The following ALG9 variants were observed in gnomAD, a reference collection of about 807,000 sequenced individuals.
ALG9 encodes alpha-1,2-mannosyltransferase ALG9.
ALG9 carries 55 observed loss-of-function variants against 81.8 expected under a neutral mutation model. The ratio of observed to expected loss-of-function variants is 0.67; its 90% CI spans 0.54 to 0.84. The LOEUF (loss-of-function observed/expected upper bound fraction) is 0.84. ALG9 is among the 40% of genes least tolerant of loss of function. The pLI, the probability that ALG9 is intolerant of heterozygous loss-of-function variation, is 0.00. For missense variants in ALG9, 629 were observed against 745.0 expected (o/e 0.84, Z 1.81); for synonymous variants, 278 against 274.3 (o/e 1.01, Z -0.13).
At chr11:111,823,975 A>G (rs1293093989) in intron 13 of ALG9, among the ~76,000 whole-genome samples, 1 of 152,234 alleles carries the variant, frequency 6.6e-6, no homozygotes, top group Non-Finnish European at 1.5e-5. Flanking sequence ...AAGGGTGAAC[A>G]CCCAGGATGG....
chr11:111,789,504 T>A (rs1004396303), intron 14 of ALG9, among the ~76,000 whole-genome samples: 2 of 151,510 alleles, frequency 1.3e-5, no homozygotes, highest in Admixed American at 6.6e-5. Context: ...CCTCCCAAAG[T>A]GTCAGGATTA....
At chr11:111,863,925 T>C (rs1961313667) in intron 4 of ALG9, among the ~76,000 whole-genome samples, 1 of 152,146 alleles carries the variant, frequency 6.6e-6, no homozygotes, top group Admixed American at 6.5e-5. Flanking sequence ...TTAAAATGAA[T>C]GATATAAGGA....
At chr11:111,816,098 G>A (rs1276439527) in intron 13 of ALG9, among the ~76,000 whole-genome samples, 2 of 152,196 alleles carry the variant, frequency 1.3e-5, no homozygotes, top group East Asian at 1.9e-4. Context: ...TCACAATTTA[G>A]TAGTTTTGAT....
At chr11:111,821,369 C>G (rs782184373) in intron 13 of ALG9, among the ~76,000 whole-genome samples, 10 of 152,128 alleles carry the variant, frequency 6.6e-5, no homozygotes, top group South Asian at 2.1e-4. Flanking sequence ...AAAGCCAGAG[C>G]CCCTTGGAGA....
chr11:111,839,682 G>A (rs544462679), intron 10 of ALG9, among the ~76,000 whole-genome samples: 3 of 151,816 alleles, frequency 2.0e-5, no homozygotes, highest in African/African-American at 7.3e-5. Context: ...CAAAAATGCT[G>A]GGAGGAGTTT....
At chr11:111,794,637 C>T (rs558175899) in intron 14 of ALG9, among the ~76,000 whole-genome samples, 1 of 152,192 alleles carries the variant, frequency 6.6e-6, no homozygotes, top group African/African-American at 2.4e-5. Context: ...TCCTCTCTTT[C>T]TGTTTTTCTC....
chr11:111,793,412 G>C (rs1177366345), intron 14 of ALG9, among the ~76,000 whole-genome samples: 1 of 152,118 alleles, frequency 6.6e-6, no homozygotes, highest in Non-Finnish European at 1.5e-5. Flanking sequence ...ATTTTGAATT[G>C]TTATATTGTA....
At chr11:111,869,462 G>A (rs1457103987) in intron 2 of ALG9, among the ~76,000 whole-genome samples, 4 of 151,930 alleles carry the variant, frequency 2.6e-5, no homozygotes, top group African/African-American at 2.4e-5. Flanking sequence ...AACTTAAAAA[G>A]TGAAAAAAAG....
intron 1 of ALG9, 141 bp downstream of exon 1, chr11:111,871,211 A>G: frequency 7.6e-7 from 1 of 1,311,144 alleles, no homozygotes; most frequent in Non-Finnish European, 9.6e-7. Flanking sequence ...GACCAATAGG[A>G]CCTAGCTGAA....
At chr11:111,856,528 G>C (rs1958715705) in intron 6 of ALG9, among the ~76,000 whole-genome samples, 1 of 151,312 alleles carries the variant, frequency 6.6e-6, no homozygotes. Context: ...TTTCTGGAAA[G>C]ACATATACCA....
chr11:111,832,719 A>G (rs2136750357), intron 13 of ALG9, among the ~76,000 whole-genome samples: 1 of 152,280 alleles, frequency 6.6e-6, no homozygotes, highest in South Asian at 2.1e-4. Context: ...ACTGCTTAGG[A>G]AAAAAATCAA....
chr11:111,837,829 A>G (rs1955572223), intron 11 of ALG9, among the ~76,000 whole-genome samples: 1 of 152,206 alleles, frequency 6.6e-6, no homozygotes, highest in African/African-American at 2.4e-5. Flanking sequence ...GCAAAAAATA[A>G]TTGGCTTTCT....
intron 4 of ALG9, among the ~76,000 whole-genome samples, chr11:111,863,590 C>A (rs1291154931): frequency 2.0e-5 from 3 of 152,122 alleles, no homozygotes; most frequent in African/African-American, 7.2e-5. Context: ...ATAATGATCA[C>A]TAAGTCCAAA....
chr11:111,773,498 G>A, the ALG9 span, among the ~76,000 whole-genome samples: 50 of 152,080 alleles, frequency 3.3e-4, 1 homozygote, highest in Middle Eastern at 6.8e-3. Context: ...GCCTGCCTTC[G>A]CCTCCCAAAG....
intron 13 of ALG9, among the ~76,000 whole-genome samples, chr11:111,817,881 A>C (rs1740368500): frequency 6.8e-6 from 1 of 147,182 alleles, no homozygotes; most frequent in Non-Finnish European, 1.5e-5. Flanking sequence ...GGTTCAAGCG[A>C]TTCTCCCCTG....
At chr11:111,861,189 T>A (rs564150342) in intron 4 of ALG9, among the ~76,000 whole-genome samples, 1 of 152,340 alleles carries the variant, frequency 6.6e-6, no homozygotes, top group East Asian at 1.9e-4. Context: ...TTCTCAAACT[T>A]AAGCAATTAC....
intron 3 of ALG9, 45 bp downstream of exon 3, chr11:111,868,556 CA>C: frequency 6.3e-7 from 1 of 1,596,066 alleles, no homozygotes; most frequent in South Asian, 1.1e-5. Flanking sequence ...ACCAGAGACT[CA>C]CCTCTTGATC....
intron 14 of ALG9, among the ~76,000 whole-genome samples, chr11:111,802,919 T>C (rs1565687270): frequency 6.6e-6 from 1 of 152,192 alleles, no homozygotes; most frequent in Non-Finnish European, 1.5e-5. Context: ...CTTTCTCAGC[T>C]GATAATCCCA....
At chr11:111,852,962 T>G (rs1052464317) in intron 8 of ALG9, among the ~76,000 whole-genome samples, 1 of 149,074 alleles carries the variant, frequency 6.7e-6, no homozygotes, top group East Asian at 2.0e-4. Flanking sequence ...AAAAAAAATG[T>G]CTGGGGTATA....
Sources: gnomAD v4.1 joint callset for allele counts (sites outside exome capture counted in the v4.1 genomes callset) on GRCh38, gnomAD v4.1.1 for gene constraint, MANE v1.5 for transcripts, NCBI Gene and HGNC (gene_info 2026-07-23, HGNC 2026-07-21) for gene names.